The following COG7 variants were observed in gnomAD, a reference collection of about 807,000 sequenced individuals.
COG7 encodes the protein conserved oligomeric Golgi complex subunit 7.
In COG7, 49 loss-of-function variants were observed where a neutral mutation model predicts 91.5. That is an observed-to-expected ratio of 0.54 (90% confidence interval 0.43 to 0.68). COG7 has a LOEUF of 0.68. Ranked by LOEUF, COG7 falls within the 30% of genes least tolerant of loss-of-function variation. COG7 has a pLI of 0.00. For synonymous variants in COG7, 365 were observed against 388.7 expected (o/e 0.94, Z 0.72); for missense variants, 895 against 961.3 (o/e 0.93, Z 0.91).
chr16:23,450,807 G>T (rs1567350762), intron 1 of COG7, among the ~76,000 whole-genome samples: 1 of 151,934 alleles, frequency 6.6e-6, no homozygotes, highest in East Asian at 1.9e-4. Flanking sequence ...CTGTAGCCTG[G>T]GTGACAAAGT....
chr16:23,392,285 A>G, intron 16 of COG7, 95 bp downstream of exon 16: 1 of 1,582,386 alleles, frequency 6.3e-7, no homozygotes, highest in Non-Finnish European at 8.6e-7. Context: ...AGCTAAGGGA[A>G]GACTTGGGAT....
intron 1 of COG7, 136 bp from the exon 2 acceptor site, chr16:23,446,097 T>C (rs1463591062): frequency 9.5e-7 from 1 of 1,047,750 alleles, no homozygotes; most frequent in African/African-American, 1.6e-5. Flanking sequence ...AAACGGTTTT[T>C]GGAGCCTGCA....
intron 4 of COG7, among the ~76,000 whole-genome samples, chr16:23,440,744 A>C (rs1964087747): frequency 6.6e-6 from 1 of 152,092 alleles, no homozygotes; most frequent in Non-Finnish European, 1.5e-5. Context: ...GGCATGAGCC[A>C]CTGCACCCGG....
intron 15 of COG7, 35 bp downstream of exon 15, chr16:23,393,198 G>C: frequency 1.1e-5 from 17 of 1,491,292 alleles, no homozygotes; most frequent in Non-Finnish European, 1.5e-5. Context: ...CTGACAGCTT[G>C]ACTTGTAACA....
At chr16:23,445,989 AC>A (rs2142096482) in intron 1 of COG7, 28 bp from the exon 2 acceptor site, 1 of 1,601,786 alleles carries the variant, frequency 6.2e-7, no homozygotes. Flanking sequence ...AAAAAAAACA[AC>A]AACAACAGCG....
chr16:23,430,659 A>G (rs1220673557), intron 6 of COG7, among the ~76,000 whole-genome samples: 1 of 151,688 alleles, frequency 6.6e-6, no homozygotes, highest in Non-Finnish European at 1.5e-5. Context: ...CTCCTGCCTC[A>G]GCCTCCCAAG....
At chr16:23,417,597 T>G in intron 8 of COG7, among the ~76,000 whole-genome samples, 1 of 151,896 alleles carries the variant, frequency 6.6e-6, no homozygotes, top group East Asian at 1.9e-4. Context: ...CGAAACCCCA[T>G]CTCTACAAAA....
intron 1 of COG7, among the ~76,000 whole-genome samples, chr16:23,449,491 C>T (rs1307807061): frequency 6.6e-6 from 1 of 151,212 alleles, no homozygotes; most frequent in Non-Finnish European, 1.5e-5. Context: ...TGCCTGTAAT[C>T]CCAGCACTTT....
At chr16:23,444,233 T>C (rs1964147912) in intron 3 of COG7, among the ~76,000 whole-genome samples, 1 of 152,094 alleles carries the variant, frequency 6.6e-6, no homozygotes, top group Admixed American at 6.6e-5. Context: ...GTGTAATAAA[T>C]TTGTTCCCAT....
intron 5 of COG7, among the ~76,000 whole-genome samples, chr16:23,434,396 C>G (rs1567343808): frequency 6.6e-6 from 1 of 152,178 alleles, no homozygotes; most frequent in African/African-American, 2.4e-5. Flanking sequence ...CGTTTCAAGT[C>G]TATAATGAAT....
chr16:23,443,413 G>A lies in COG7; in HGVS notation c.436-768C>T, dbSNP rs202196808. Among the ~76,000 whole-genome samples, 15 of 152,256 alleles carry A rather than the reference G, an allele frequency of 9.9e-5. No homozygotes were observed. In the East Asian group the frequency reaches 2.1e-3, roughly 22 times the overall value. On this transcript the variant is annotated intron_variant, in intron 3 of 16. Coordinates refer to ENST00000307149, the MANE Select transcript of COG7 (RefSeq NM_153603.4). Reference sequence around the variant, plus strand: ...ATTTTAAGAAATTGGTCAGGCAGCCGGGAAGGGTGGCTCACGCCCCTGTAA... The same window carrying A: ...ATTTTAAGAAATTGGTCAGGCAGCCAGGAAGGGTGGCTCACGCCCCTGTAA...
chr16:23,420,066 C>T (rs981969179), intron 7 of COG7, among the ~76,000 whole-genome samples: 4 of 150,180 alleles, frequency 2.7e-5, no homozygotes, highest in African/African-American at 9.8e-5. Context: ...TCCTTGAACC[C>T]GGGAAGCTGA....
At chr16:23,422,185 G>A (rs936015283) in intron 7 of COG7, among the ~76,000 whole-genome samples, 1 of 151,946 alleles carries the variant, frequency 6.6e-6, no homozygotes, top group Non-Finnish European at 1.5e-5. Context: ...GGTGGCATGT[G>A]CCCGTGGTCT....
At chr16:23,448,442 G>A (rs542194113) in intron 1 of COG7, among the ~76,000 whole-genome samples, 26 of 152,252 alleles carry the variant, frequency 1.7e-4, no homozygotes, top group Admixed American at 1.4e-3. Context: ...TGGACTACAA[G>A]CATGAACCAC....
At chr16:23,406,603 G>A (rs1468850164) in intron 11 of COG7, among the ~76,000 whole-genome samples, 1 of 152,202 alleles carries the variant, frequency 6.6e-6, no homozygotes, top group African/African-American at 2.4e-5. Context: ...TGCTATATGA[G>A]CATCAGGGTG....
Position 23,388,928 on chromosome 16 carries a change from T to A in COG7, c.2305A>T (p.Asn769Tyr). The A allele has an allele frequency of 6.2e-7, 1 of 1,614,076 alleles. No homozygotes were observed. The highest frequency in any genetic ancestry group is 8.5e-7 in the Non-Finnish European group (1 of 1,179,970). ...ATTVATMRSV[N>Y]Y is the part of the protein sequence containing the mutation. ...TCCGGTGTGTGGTGGGGTCAGTAATTCACACTCCGCATGGTGGCCACGGTG... is the reference window on the plus strand; with the variant it reads ...TCCGGTGTGTGGTGGGGTCAGTAATACACACTCCGCATGGTGGCCACGGTG... Residue 769 changes from asparagine (N) to tyrosine (Y), a missense_variant, in exon 17 of 17, where the codon AAT becomes TAT. By Grantham distance (143) the Asn-to-Tyr change is moderately radical. Coordinates refer to ENST00000307149, the MANE Select transcript of COG7 (RefSeq NM_153603.4).
At chr16:23,430,832 C>G (rs1015694249) in intron 6 of COG7, among the ~76,000 whole-genome samples, 18 of 151,836 alleles carry the variant, frequency 1.2e-4, no homozygotes, top group Non-Finnish European at 1.5e-5. Context: ...TGAAACACCA[C>G]GCCCAGTCTT....
chr16:23,415,859 G>T (rs1269313334), intron 9 of COG7: 1 of 152,032 alleles, frequency 6.6e-6, no homozygotes, highest in East Asian at 1.9e-4. Flanking sequence ...TGAACAATGT[G>T]CCATTTGAAC....
At chr16:23,451,717 C>A (rs368737039) in intron 1 of COG7, among the ~76,000 whole-genome samples, 5 of 133,936 alleles carry the variant, frequency 3.7e-5, no homozygotes, top group African/African-American at 6.2e-5. Context: ...AGGAATGAGA[C>A]CCTGTCTCAA....
Sources: gnomAD v4.1 joint callset for allele counts (sites outside exome capture counted in the v4.1 genomes callset) on GRCh38, gnomAD v4.1.1 for gene constraint, MANE v1.5 for transcripts, NCBI Gene and HGNC (gene_info 2026-07-23, HGNC 2026-07-21) for gene names.